The following CLSTN2 variants were observed in gnomAD, a reference collection of about 807,000 sequenced individuals.
CLSTN2 encodes calsyntenin-2.
In CLSTN2, 48 loss-of-function variants were observed where a neutral mutation model predicts 101.2. That is an observed-to-expected ratio of 0.47 (90% confidence interval 0.38 to 0.60). The LOEUF (loss-of-function observed/expected upper bound fraction) is 0.60. Among genes scored for constraint, CLSTN2 ranks in the 20% least tolerant of loss-of-function variants. The pLI is 0.00. For missense variants in CLSTN2, 1,160 were observed against 1,238.2 expected, an observed-to-expected ratio of 0.94 and a Z score of 0.95; for synonymous variants, 481 against 463.6, an observed-to-expected ratio of 1.04 and a Z score of -0.48.
chr3:140,465,283 T>G (rs905870445), intron 7 of CLSTN2, among the ~76,000 whole-genome samples: 1 of 152,242 alleles, frequency 6.6e-6, no homozygotes, highest in Non-Finnish European at 1.5e-5. Context: ...CCATTTTACA[T>G]TAGCAAATAT....
chr3:139,986,974 G>T (rs532032581), intron 1 of CLSTN2, among the ~76,000 whole-genome samples: 11 of 152,000 alleles, frequency 7.2e-5, no homozygotes, highest in African/African-American at 2.7e-4. Context: ...CTGTTCTTAC[G>T]CACTCTCCTT....
chr3:139,969,785 G>C (rs887803045), intron 1 of CLSTN2, among the ~76,000 whole-genome samples: 1 of 152,148 alleles, frequency 6.6e-6, no homozygotes, highest in African/African-American at 2.4e-5. Context: ...CTCTCCAAAA[G>C]CAACCATCAC....
intron 8 of CLSTN2, among the ~76,000 whole-genome samples, chr3:140,530,317 G>A (rs1258624267): frequency 1.3e-5 from 2 of 152,162 alleles, no homozygotes; most frequent in Non-Finnish European, 2.9e-5. Flanking sequence ...TTTCCCAGCT[G>A]TTGTTTCACG....
At chr3:140,128,240 A>G (rs1418055411) in intron 1 of CLSTN2, among the ~76,000 whole-genome samples, 1 of 152,220 alleles carries the variant, frequency 6.6e-6, no homozygotes, top group African/African-American at 2.4e-5. Context: ...AAAAAAAGAA[A>G]AAGGAAAAAA....
At chr3:140,343,145 G>C (rs1200877572) in intron 2 of CLSTN2, among the ~76,000 whole-genome samples, 3 of 152,018 alleles carry the variant, frequency 2.0e-5, no homozygotes, top group Admixed American at 2.0e-4. Flanking sequence ...TCATCCCATG[G>C]GCCATGGCTC....
intron 1 of CLSTN2, among the ~76,000 whole-genome samples, chr3:140,047,015 A>G (rs1421102941): frequency 6.6e-6 from 1 of 152,184 alleles, no homozygotes; most frequent in African/African-American, 2.4e-5. Context: ...GATTAATAAA[A>G]TGAAGAAAAA....
chr3:140,092,967 G>C (rs4387930), intron 1 of CLSTN2, among the ~76,000 whole-genome samples: 8 of 152,328 alleles, frequency 5.3e-5, no homozygotes, highest in Admixed American at 2.0e-4. Flanking sequence ...GTGCTGATCA[G>C]CTTTTTTGGA....
At chr3:140,295,405 T>G (rs1490521642) in intron 2 of CLSTN2, among the ~76,000 whole-genome samples, 1 of 152,214 alleles carries the variant, frequency 6.6e-6, no homozygotes, top group Non-Finnish European at 1.5e-5. Flanking sequence ...TTGTCATAGT[T>G]TTTCCTTTAC....
At chr3:140,084,028 G>A (rs2008640687) in intron 1 of CLSTN2, among the ~76,000 whole-genome samples, 1 of 152,142 alleles carries the variant, frequency 6.6e-6, no homozygotes, top group Admixed American at 6.5e-5. Context: ...CCTTTAAAAG[G>A]ATTTTACCAA....
intron 11 of CLSTN2, among the ~76,000 whole-genome samples, chr3:140,557,771 T>G (rs1935828012): frequency 6.6e-6 from 1 of 152,198 alleles, no homozygotes; most frequent in Admixed American, 6.5e-5. Flanking sequence ...AGCATCTATC[T>G]GGCTCTGGGG....
chr3:140,125,179 G>A (rs2009409498), intron 1 of CLSTN2, among the ~76,000 whole-genome samples: 1 of 152,130 alleles, frequency 6.6e-6, no homozygotes, highest in Non-Finnish European at 1.5e-5. Context: ...CATGGGTCTT[G>A]TCAACTCTTT....
At chr3:140,043,672 T>C (rs1246801220) in intron 1 of CLSTN2, among the ~76,000 whole-genome samples, 1 of 152,232 alleles carries the variant, frequency 6.6e-6, no homozygotes, top group African/African-American at 2.4e-5. Flanking sequence ...AACATTTAAG[T>C]CTTTAATCCA....
intron 11 of CLSTN2, among the ~76,000 whole-genome samples, chr3:140,558,032 C>T (rs1935834211): frequency 6.6e-6 from 1 of 152,178 alleles, no homozygotes. Flanking sequence ...CCACATTTAC[C>T]CAGCCCAGAA....
chr3:140,565,977 G>C lies in CLSTN2; in HGVS notation c.2668-76G>C, dbSNP rs980235788. ...AGGGGCCGTAAATGTTTCCTTAATG[G>C]ATGGAGAGACATAAGCTCCAAAATG... On this transcript the variant is annotated intron_variant, in intron 16 of 16. Coordinates refer to ENST00000458420, the MANE Select transcript of CLSTN2 (RefSeq NM_022131.3). 17 of 1,581,974 alleles carry C rather than the reference G, an allele frequency of 1.1e-5. 1 individual carries two copies. In the South Asian group the frequency reaches 1.9e-4, roughly 18 times the overall value.
chr3:140,249,749 G>A (rs555786451), intron 2 of CLSTN2, among the ~76,000 whole-genome samples: 3 of 152,192 alleles, frequency 2.0e-5, no homozygotes, highest in African/African-American at 4.8e-5. Flanking sequence ...TTTAGCTATC[G>A]GCATTTCACC....
At chr3:140,039,773 G>A (rs2007725756) in intron 1 of CLSTN2, among the ~76,000 whole-genome samples, 1 of 152,068 alleles carries the variant, frequency 6.6e-6, no homozygotes, top group Non-Finnish European at 1.5e-5. Context: ...CTATTTATGT[G>A]TGTTTGTGCA....
chr3:140,563,274 G>C (rs1935954979), intron 15 of CLSTN2, 71 bp downstream of exon 15: 5 of 1,540,516 alleles, frequency 3.2e-6, no homozygotes, highest in Non-Finnish European at 4.4e-6. Context: ...CTACTCAACA[G>C]ACGGTTATGT....
At chr3:139,978,220 C>A (rs562540766) in intron 1 of CLSTN2, among the ~76,000 whole-genome samples, 1 of 152,310 alleles carries the variant, frequency 6.6e-6, no homozygotes, top group South Asian at 2.1e-4. Context: ...TATTGCCAGG[C>A]ACCCTGTTAG....
chr3:140,409,591 G>T (rs1237592957), intron 4 of CLSTN2, among the ~76,000 whole-genome samples: 1 of 152,160 alleles, frequency 6.6e-6, no homozygotes, highest in African/African-American at 2.4e-5. Context: ...TCTGGAAAAG[G>T]TGATTATTTC....
Sources: gnomAD v4.1 joint callset for allele counts (sites outside exome capture counted in the v4.1 genomes callset) on GRCh38, gnomAD v4.1.1 for gene constraint, MANE v1.5 for transcripts, NCBI Gene and HGNC (gene_info 2026-07-23, HGNC 2026-07-21) for gene names.